DCP1B: variants seen among roughly 807,000 people sequenced by gnomAD.
The protein encoded by DCP1B is mRNA-decapping enzyme 1B.
DCP1B carries 47 observed loss-of-function variants against 60.5 expected under a neutral mutation model. That is an observed-to-expected ratio of 0.78 (90% CI 0.61 to 0.99). The LOEUF (loss-of-function observed/expected upper bound fraction) is 0.99. Among genes scored for constraint, DCP1B ranks in the 50% least tolerant of loss-of-function variants. The pLI is 0.00. For synonymous variants in DCP1B, 267 were observed against 280.3 expected, an observed-to-expected ratio of 0.95 and a Z score of 0.47; for missense variants, 725 against 756.8, an observed-to-expected ratio of 0.96 and a Z score of 0.49.
At chr12:1,991,276 C>T (rs1318483006) in intron 3 of DCP1B, 2 of 454,694 alleles carry the variant, frequency 4.4e-6, no homozygotes, top group African/African-American at 4.0e-5. Context: ...ATGTCTACTC[C>T]ACAAAATTGT....
At chr12:1,989,800 T>G (rs183014512) in intron 3 of DCP1B, among the ~76,000 whole-genome samples, 1 of 152,376 alleles carries the variant, frequency 6.6e-6, no homozygotes, top group Admixed American at 6.5e-5. Context: ...TATTTCCATA[T>G]GCTAATATCT....
At chr12:1,988,802 T>G (rs747185987) in intron 3 of DCP1B, among the ~76,000 whole-genome samples, 13 of 152,188 alleles carry the variant, frequency 8.5e-5, no homozygotes, top group Non-Finnish European at 1.6e-4. Context: ...CAGGGTACTA[T>G]TTCCGTTATT....
chr12:1,983,302 T>G (rs144523998), intron 3 of DCP1B, among the ~76,000 whole-genome samples: 5 of 152,124 alleles, frequency 3.3e-5, no homozygotes, highest in African/African-American at 1.2e-4. Context: ...TAATATACTC[T>G]TCTCCTATTT....
chr12:1,975,216 T>C (rs1406111815), intron 3 of DCP1B, among the ~76,000 whole-genome samples: 1 of 152,176 alleles, frequency 6.6e-6, no homozygotes, highest in African/African-American at 2.4e-5. Context: ...CCCTTTATGT[T>C]TAAACAGTTA....
intron 3 of DCP1B, among the ~76,000 whole-genome samples, chr12:1,973,608 C>A (rs944366879): frequency 1.4e-4 from 22 of 152,158 alleles, no homozygotes; most frequent in African/African-American, 4.1e-4. Context: ...AAACTGGGAA[C>A]CTTGAGGTCA....
At chr12:1,950,324 C>T (rs781535377) in intron 7 of DCP1B, 14 of 702,230 alleles carry the variant, frequency 2.0e-5, no homozygotes, top group Middle Eastern at 4.6e-4. Context: ...CTGAGCACAG[C>T]GTGGGCTGCT....
chr12:1,977,526 C>T (rs1004687644), intron 3 of DCP1B, among the ~76,000 whole-genome samples: 2 of 152,088 alleles, frequency 1.3e-5, no homozygotes, highest in African/African-American at 2.4e-5. Flanking sequence ...AAGTGATTTG[C>T]GAATTTTGTT....
chr12:1,969,111 G>A (rs553274320), intron 3 of DCP1B, among the ~76,000 whole-genome samples: 3 of 151,966 alleles, frequency 2.0e-5, no homozygotes, highest in African/African-American at 7.2e-5. Flanking sequence ...GTTTTTACAA[G>A]GGAAAAAAGA....
At chr12:2,003,105 G>A (rs1407912935) in intron 1 of DCP1B, among the ~76,000 whole-genome samples, 2 of 152,104 alleles carry the variant, frequency 1.3e-5, no homozygotes, top group Non-Finnish European at 2.9e-5. Context: ...AATTTCCTCC[G>A]TTAAGAACTT....
At chr12:1,996,668 C>T (rs1235647877) in intron 2 of DCP1B, among the ~76,000 whole-genome samples, 14 of 95,834 alleles carry the variant, frequency 1.5e-4, no homozygotes, top group East Asian at 1.1e-3. Flanking sequence ...ACAAACTCTT[C>T]TAATGTTTTA....
At chr12:1,986,278 A>G (rs2037755762) in intron 3 of DCP1B, among the ~76,000 whole-genome samples, 2 of 152,104 alleles carry the variant, frequency 1.3e-5, no homozygotes, top group South Asian at 4.1e-4. Context: ...ATGAGTTCCT[A>G]GACAGAATTA....
chr12:1,956,084 A>T (rs1200925441), intron 5 of DCP1B, among the ~76,000 whole-genome samples: 2 of 152,214 alleles, frequency 1.3e-5, no homozygotes, highest in Non-Finnish European at 2.9e-5. Context: ...TTAATAAATG[A>T]CTTCTTGCAT....
Position 1,955,413 on chromosome 12 carries a change from C to A in DCP1B, c.651+19G>T, listed in dbSNP as rs767862796. ...AATTCTAGAGACACACTGAATATGA[C>A]AAGCAGAGAACTCCGTACCTGGTTG... On this transcript the variant is annotated intron_variant, in intron 6 of 8. Coordinates refer to ENST00000280665, the MANE Select transcript of DCP1B (RefSeq NM_152640.5). 3 of 1,609,054 alleles carry A rather than the reference C, an allele frequency of 1.9e-6. No homozygotes were observed. Among genetic ancestry groups the A allele is most frequent in the Non-Finnish European group, 2.5e-6 (3 of 1,177,354 alleles).
At chr12:2,002,073 CATA>C (rs1393737996) in intron 1 of DCP1B, among the ~76,000 whole-genome samples, 7 of 152,316 alleles carry the variant, frequency 4.6e-5, no homozygotes, top group African/African-American at 1.7e-4. Context: ...CCAGTCATCA[CATA>C]ATCTTTCTTA....
chr12:1,989,960 C>A (rs556091155), intron 3 of DCP1B, among the ~76,000 whole-genome samples: 1 of 152,226 alleles, frequency 6.6e-6, no homozygotes, highest in Non-Finnish European at 1.5e-5. Context: ...AATCTCAAGG[C>A]TAAAAAAACT....
chr12:2,003,430 A>G (rs922209693), intron 1 of DCP1B, among the ~76,000 whole-genome samples: 5 of 152,228 alleles, frequency 3.3e-5, no homozygotes, highest in Non-Finnish European at 5.9e-5. Flanking sequence ...ATGGATGATG[A>G]ATATTATTTG....
chr12:1,953,412 AAATAAT>A (rs569917295), intron 6 of DCP1B, 124 bp from the exon 7 acceptor site: 8 of 1,155,302 alleles, frequency 6.9e-6, no homozygotes, highest in Non-Finnish European at 9.2e-6. Context: ...AGAGAATGAA[AAATAAT>A]AATAATAAAC....
intron 7 of DCP1B, 103 bp from the exon 8 acceptor site, chr12:1,949,437 G>A: frequency 6.7e-7 from 1 of 1,493,890 alleles, no homozygotes; most frequent in South Asian, 1.3e-5. Flanking sequence ...CCTGTCCACA[G>A]CTTTCCTAGC....
downstream of DCP1B, among the ~76,000 whole-genome samples, chr12:1,943,417 C>A (rs1196197479): frequency 1.3e-5 from 2 of 152,290 alleles, no homozygotes; most frequent in South Asian, 4.1e-4. Flanking sequence ...AAAAGAGAGA[C>A]TCCTCCCTAA....
Sources: gnomAD v4.1 joint callset for allele counts (sites outside exome capture counted in the v4.1 genomes callset) on GRCh38, gnomAD v4.1.1 for gene constraint, MANE v1.5 for transcripts, NCBI Gene and HGNC (gene_info 2026-07-23, HGNC 2026-07-21) for gene names.